Variants in PIK3C2G observed in about 807,000 individuals in gnomAD.
The protein encoded by PIK3C2G is phosphatidylinositol 3-kinase C2 domain-containing subunit gamma.
PIK3C2G carries 168 observed loss-of-function variants against 181.1 expected under a neutral mutation model. That is an observed-to-expected ratio of 0.93 (90% CI 0.82 to 1.05). PIK3C2G has a LOEUF of 1.05. Among genes scored for constraint, PIK3C2G ranks in the 50% least tolerant of loss-of-function variants. PIK3C2G has a pLI of 0.00. For synonymous variants in PIK3C2G, 573 were observed against 592.2 expected, an observed-to-expected ratio of 0.97 and a Z score of 0.47; for missense variants, 1,869 against 1,732.8, an observed-to-expected ratio of 1.08 and a Z score of -1.40.
intron 24 of PIK3C2G, among the ~76,000 whole-genome samples, chr12:18,532,079 G>A (rs1047240801): frequency 6.6e-6 from 1 of 152,142 alleles, no homozygotes; most frequent in Admixed American, 6.6e-5. Context: ...ATTTTGATAG[G>A]TGGGTAGTGA....
intron 11 of PIK3C2G, among the ~76,000 whole-genome samples, chr12:18,359,325 T>A (rs12581867): frequency 0.15 from 22,211 of 152,192 alleles, 2,095 homozygotes; most frequent in Admixed American, 0.27. Flanking sequence ...TTTTCTTAAA[T>A]TTGTTGAGAT....
At chr12:18,412,767 T>C (rs1318043131) in intron 16 of PIK3C2G, among the ~76,000 whole-genome samples, 2 of 152,194 alleles carry the variant, frequency 1.3e-5, no homozygotes, top group Non-Finnish European at 2.9e-5. Context: ...AAAAATGTCC[T>C]GATACCCAGC....
intron 11 of PIK3C2G, among the ~76,000 whole-genome samples, chr12:18,352,190 A>G (rs1334528546): frequency 2.0e-5 from 3 of 152,198 alleles, no homozygotes; most frequent in Non-Finnish European, 4.4e-5. Context: ...TTGCAGATTA[A>G]GAAATTACAG....
chr12:18,374,148 A>C (rs540762234), intron 13 of PIK3C2G, among the ~76,000 whole-genome samples: 4 of 152,290 alleles, frequency 2.6e-5, no homozygotes, highest in Non-Finnish European at 5.9e-5. Flanking sequence ...AATAATCCCA[A>C]AGCCCAAGCA....
At chr12:18,723,274 A>G in the PIK3C2G span, 5 of 1,537,184 alleles carry the variant, frequency 3.3e-6, no homozygotes. Context: ...TACTTCACAT[A>G]TAAATATTCC....
At chr12:18,264,752 T>A (rs770820176) in intron 1 of PIK3C2G, among the ~76,000 whole-genome samples, 1 of 152,188 alleles carries the variant, frequency 6.6e-6, no homozygotes, top group Non-Finnish European at 1.5e-5. Context: ...TTCTGATCTA[T>A]TTTTCTGAAT....
chr12:18,500,707 C>G (rs761788640), intron 22 of PIK3C2G, among the ~76,000 whole-genome samples: 20 of 152,322 alleles, frequency 1.3e-4, no homozygotes, highest in Non-Finnish European at 2.2e-4. Flanking sequence ...TACCAATCAG[C>G]AGGATGTGGG....
chr12:18,338,420 C>G lies in PIK3C2G; in HGVS notation c.1273-6C>G. 20 of 1,546,668 alleles carry G rather than the reference C, an allele frequency of 1.3e-5. No homozygotes were observed. The highest frequency in any genetic ancestry group is 1.8e-5 in the Non-Finnish European group (20 of 1,128,972). ...GATTGTAAGATGTGAATCTTGTTAT[C>G]TACAGGAAAACGTGTATAATATTAT... On this transcript the variant is annotated splice_region_variant and splice_polypyrimidine_tract_variant and intron_variant, in intron 8 of 32. Transcript: ENST00000538779.
intron 16 of PIK3C2G, among the ~76,000 whole-genome samples, chr12:18,406,188 G>A (rs1004350297): frequency 1.3e-5 from 2 of 151,958 alleles, no homozygotes; most frequent in South Asian, 4.1e-4. Context: ...AAGTTCATTC[G>A]TGCTATCATA....
chr12:18,291,837 A>C lies in PIK3C2G; in HGVS notation c.919+825A>C, dbSNP rs116487463. Among the ~76,000 whole-genome samples the C allele has an allele frequency of 9.5e-3, 1,437 of 151,656 alleles. 31 individuals are homozygous for C. Among genetic ancestry groups the C allele is most frequent in the African/African-American group, 0.032 (1,332 of 41,256 alleles). On this transcript the variant is annotated intron_variant, in intron 4 of 32. Transcript: ENST00000538779. ...CATAGCAGTGTTATATTGGTATATT[A>C]GTTAAGACCCTCTTGGTTGGAAATG...
chr12:18,597,283 G>A lies in PIK3C2G; in HGVS notation c.4087+2714G>A, dbSNP rs1189008377. On this transcript the variant is annotated intron_variant, in intron 30 of 32. Coordinates refer to ENST00000538779, the MANE Select transcript of PIK3C2G (RefSeq NM_001288772.2). ...TTCACCTTTATCTTTATCCACTTAT[G>A]AAACAAGTATTGTCAAAAGAAATAA... is the stretch of plus-strand genomic sequence containing the variant. 2.6e-5 allele frequency among the ~76,000 whole-genome samples: 4 copies of A among 151,884 alleles called. No homozygotes were observed. The East Asian group carries it at 7.8e-4, about 30-fold the overall frequency.
At chr12:18,570,240 TG>T (rs1386498533) in intron 29 of PIK3C2G, among the ~76,000 whole-genome samples, 1 of 151,968 alleles carries the variant, frequency 6.6e-6, no homozygotes, top group Non-Finnish European at 1.5e-5. Flanking sequence ...GATGGAGTTT[TG>T]CTCGTCACCC....
the PIK3C2G span, chr12:18,693,200 G>A: frequency 6.1e-5 from 96 of 1,568,144 alleles, no homozygotes; most frequent in African/African-American, 1.3e-3. Flanking sequence ...TTGCAGACAA[G>A]GATCTTCTGG....
chr12:18,339,153 G>T (rs1938871362), intron 9 of PIK3C2G, among the ~76,000 whole-genome samples: 1 of 152,058 alleles, frequency 6.6e-6, no homozygotes, highest in Admixed American at 6.6e-5. Flanking sequence ...GAAATCTGAT[G>T]TAGACCTGTA....
the PIK3C2G span, among the ~76,000 whole-genome samples, chr12:18,681,118 A>G: frequency 2.0e-5 from 3 of 151,914 alleles, no homozygotes; most frequent in African/African-American, 4.8e-5. Flanking sequence ...GCTCTGTGAA[A>G]CTGTTTATTG....
intron 29 of PIK3C2G, among the ~76,000 whole-genome samples, chr12:18,574,365 G>A (rs1388089345): frequency 3.3e-5 from 5 of 152,174 alleles, no homozygotes; most frequent in South Asian, 2.1e-4. Context: ...ATATTAACGC[G>A]ACTAGTCAAT....
rs1947641338 is a variant in PIK3C2G, at chr12:18,600,356, A to G, written c.4087+5787A>G. Among the ~76,000 whole-genome samples the G allele has an allele frequency of 6.6e-5, 10 of 152,124 alleles. No homozygotes were observed. In the South Asian group the frequency reaches 1.9e-3, roughly 28 times the overall value. On this transcript the variant is annotated intron_variant, in intron 30 of 32. Coordinates refer to ENST00000538779, the MANE Select transcript of PIK3C2G (RefSeq NM_001288772.2). ...TACAGAAAAAATTTGCAAAATTTCTAAAGACTAGCAATAGTGAAATACTAC... is the reference window on the plus strand; with the variant it reads ...TACAGAAAAAATTTGCAAAATTTCTGAAGACTAGCAATAGTGAAATACTAC...
chr12:18,292,658 G>A (rs1457236567), intron 4 of PIK3C2G, among the ~76,000 whole-genome samples: 1 of 152,114 alleles, frequency 6.6e-6, no homozygotes, highest in Admixed American at 6.6e-5. Context: ...TATGATATGT[G>A]AATATGAGAA....
chr12:18,658,028 G>A, the PIK3C2G span, among the ~76,000 whole-genome samples: 18 of 152,080 alleles, frequency 1.2e-4, no homozygotes, highest in Non-Finnish European at 1.9e-4. Flanking sequence ...AAAAATTCTG[G>A]ATTAAAAAAT....
Sources: allele counts gnomAD v4.1 joint callset (sites outside exome capture counted in the v4.1 genomes callset), GRCh38; gene constraint gnomAD v4.1.1; transcripts MANE v1.5; gene names NCBI Gene and HGNC (gene_info 2026-07-23, HGNC 2026-07-21).